FRMD4A: variants seen among roughly 807,000 people sequenced by gnomAD.
FRMD4A encodes FERM domain containing 4A.
A neutral mutation model predicts 129.1 loss-of-function variants in FRMD4A; 29 were observed. The ratio of observed to expected loss-of-function variants is 0.22; its 90% CI spans 0.17 to 0.31. FRMD4A has a LOEUF of 0.31. FRMD4A is among the 10% of genes least tolerant of loss of function. The pLI is 1.00. For synonymous variants in FRMD4A, 634 were observed against 571.6 expected (o/e 1.11, Z -1.56); for missense variants, 1,272 against 1,375.8 (o/e 0.92, Z 1.19).
chr10:14,024,928 C>T (rs1334486013), intron 2 of FRMD4A, among the ~76,000 whole-genome samples: 3 of 152,358 alleles, frequency 2.0e-5, no homozygotes, highest in Non-Finnish European at 2.9e-5. Flanking sequence ...AGTGTATTGT[C>T]GAACGGGGGC....
chr10:13,740,453 T>A (rs1012157026), intron 10 of FRMD4A, 59 bp downstream of exon 10: 10 of 1,013,268 alleles, frequency 9.9e-6, no homozygotes, highest in Non-Finnish European at 1.4e-5. Flanking sequence ...AATCCTGACA[T>A]ACGATATATT....
chr10:14,133,874 C>G (rs188368585), intron 2 of FRMD4A, among the ~76,000 whole-genome samples: 1 of 152,148 alleles, frequency 6.6e-6, no homozygotes, highest in Non-Finnish European at 1.5e-5. Flanking sequence ...GTTAGTCTCA[C>G]CTATGATGAA....
intron 2 of FRMD4A, among the ~76,000 whole-genome samples, chr10:14,031,014 C>A (rs1833215243): frequency 1.3e-5 from 2 of 152,164 alleles, no homozygotes; most frequent in African/African-American, 4.8e-5. Context: ...CAGGAGTACC[C>A]TGAACTTATG....
chr10:13,842,488 C>A (rs996449229), intron 3 of FRMD4A, among the ~76,000 whole-genome samples: 1 of 152,186 alleles, frequency 6.6e-6, no homozygotes, highest in African/African-American at 2.4e-5. Flanking sequence ...CACCAAAATC[C>A]TGCAAGGTAC....
At chr10:13,963,300 AT>A (rs2131364586) in intron 2 of FRMD4A, among the ~76,000 whole-genome samples, 1 of 128,552 alleles carries the variant, frequency 7.8e-6, no homozygotes, top group South Asian at 2.5e-4. Flanking sequence ...TCAACCACAT[AT>A]GTTGTAGATA....
At chr10:13,791,466 GGAGA>G (rs1283400997) in intron 5 of FRMD4A, among the ~76,000 whole-genome samples, 1 of 134,928 alleles carries the variant, frequency 7.4e-6, no homozygotes, top group Admixed American at 7.6e-5. Context: ...TGAGAGAAAG[GGAGA>G]GAGAGAGAAA....
At chr10:14,162,576 G>A (rs1840948015) in intron 2 of FRMD4A, among the ~76,000 whole-genome samples, 1 of 151,376 alleles carries the variant, frequency 6.6e-6, no homozygotes, top group Admixed American at 6.6e-5. Context: ...GGTTAACTTG[G>A]TCCTGTACCC....
At chr10:14,237,735 G>A (rs1414895258) in intron 2 of FRMD4A, among the ~76,000 whole-genome samples, 2 of 152,158 alleles carry the variant, frequency 1.3e-5, no homozygotes, top group East Asian at 1.9e-4. Context: ...GATAATATGA[G>A]GAGCTACCAA....
At chr10:13,781,465 C>T (rs2092733993) in intron 6 of FRMD4A, among the ~76,000 whole-genome samples, 1 of 146,740 alleles carries the variant, frequency 6.8e-6, no homozygotes, top group African/African-American at 2.5e-5. Context: ...GTAACCTCCA[C>T]CTCCCAGGTT....
intron 2 of FRMD4A, among the ~76,000 whole-genome samples, chr10:14,316,285 A>C (rs1003693937): frequency 1.8e-4 from 27 of 152,052 alleles, no homozygotes; most frequent in African/African-American, 6.3e-4. Flanking sequence ...TTAGGTCATA[A>C]AGATTCCACC....
At chr10:13,963,466 C>A (rs755912270) in intron 2 of FRMD4A, among the ~76,000 whole-genome samples, 5 of 151,964 alleles carry the variant, frequency 3.3e-5, no homozygotes, top group African/African-American at 1.2e-4. Flanking sequence ...CATGTGGAAA[C>A]GTTTGGTTGG....
chr10:13,890,696 C>T (rs988962977), intron 2 of FRMD4A: 75 of 985,148 alleles, frequency 7.6e-5, no homozygotes, highest in Non-Finnish European at 9.0e-5. Flanking sequence ...TGGGATGCTC[C>T]ATTCATAGGG....
At chr10:14,234,396 T>A (rs556210724) in intron 2 of FRMD4A, among the ~76,000 whole-genome samples, 1 of 152,174 alleles carries the variant, frequency 6.6e-6, no homozygotes, top group Non-Finnish European at 1.5e-5. Flanking sequence ...AAAGTTCTTA[T>A]CAGCAACTTT....
At position 13,828,619 on chromosome 10, in the gene FRMD4A, G is replaced by A. The variant is rs1221852171; in HGVS notation, c.112-17711C>T. 8.0e-5 allele frequency among the ~76,000 whole-genome samples: 12 copies of A among 149,394 alleles called. No homozygotes were observed. The South Asian group carries it at 1.1e-3, about 13-fold the overall frequency. ...ACCATCTTGGCTCACTGCAACCTCC[G>A]CCTCCTGGGTTCAAGCAATTCTCCT... On this transcript the variant is annotated intron_variant, in intron 3 of 24. Coordinates refer to ENST00000357447, the MANE Select transcript of FRMD4A (RefSeq NM_018027.5).
chr10:14,328,791 T>G (rs1484523967), intron 2 of FRMD4A, among the ~76,000 whole-genome samples: 2 of 152,170 alleles, frequency 1.3e-5, no homozygotes, highest in African/African-American at 4.8e-5. Context: ...TGAAAATTCC[T>G]ATCCAGTTTA....
At chr10:14,120,564 C>T (rs181872281) in intron 2 of FRMD4A, among the ~76,000 whole-genome samples, 298 of 152,322 alleles carry the variant, frequency 2.0e-3, no homozygotes, top group African/African-American at 5.7e-3. Context: ...AATAAATGAA[C>T]AATGTGAGCT....
intron 2 of FRMD4A, 109 bp downstream of exon 2, chr10:14,329,944 AAGCGG>A: frequency 1.0e-6 from 1 of 961,542 alleles, no homozygotes; most frequent in Non-Finnish European, 1.6e-6. Flanking sequence ...CTGCGGGATA[AAGCGG>A]AGCAATGTTG....
intron 3 of FRMD4A, among the ~76,000 whole-genome samples, chr10:13,816,964 C>T (rs149202472): frequency 5.3e-5 from 8 of 152,352 alleles, no homozygotes; most frequent in African/African-American, 1.9e-4. Flanking sequence ...CTGGCTTTCT[C>T]TTAGCCCATA....
At chr10:13,860,839 T>C (rs538123127) in intron 2 of FRMD4A, among the ~76,000 whole-genome samples, 2 of 152,196 alleles carry the variant, frequency 1.3e-5, no homozygotes, top group Non-Finnish European at 2.9e-5. Context: ...GGTGCAGTGG[T>C]ATGATCTTAA....
Sources: gnomAD v4.1 joint callset for allele counts (sites outside exome capture counted in the v4.1 genomes callset) on GRCh38, gnomAD v4.1.1 for gene constraint, MANE v1.5 for transcripts, NCBI Gene and HGNC (gene_info 2026-07-23, HGNC 2026-07-21) for gene names.